The following LRBA variants were observed in gnomAD, a reference collection of about 807,000 sequenced individuals.
The protein encoded by LRBA is LPS responsive beige-like anchor protein.
LRBA carries 176 observed loss-of-function variants against 330.0 expected under a neutral mutation model. That is an observed-to-expected ratio of 0.53 (90% CI 0.47 to 0.60). The LOEUF (loss-of-function observed/expected upper bound fraction) is 0.60. Ranked by LOEUF, LRBA falls within the 20% of genes least tolerant of loss-of-function variation. LRBA has a pLI of 0.00. For missense variants in LRBA, 3,259 were observed against 3,444.8 expected, an observed-to-expected ratio of 0.95 and a Z score of 1.35; for synonymous variants, 1,230 against 1,193.0, an observed-to-expected ratio of 1.03 and a Z score of -0.64.
chr4:150,550,501 C>T (rs186133012), intron 40 of LRBA, among the ~76,000 whole-genome samples: 52 of 152,040 alleles, frequency 3.4e-4, no homozygotes, highest in African/African-American at 1.2e-3. Context: ...ATTAAGATAC[C>T]CAACTATTCT....
chr4:150,383,199 C>A (rs114652490), intron 47 of LRBA, among the ~76,000 whole-genome samples: 2 of 152,226 alleles, frequency 1.3e-5, no homozygotes, highest in Admixed American at 6.5e-5. Flanking sequence ...TGCTTATTAA[C>A]GTCACCAAAG....
intron 51 of LRBA, chr4:150,310,666 G>A: frequency 3.7e-6 from 1 of 270,732 alleles, no homozygotes; most frequent in Non-Finnish European, 7.0e-6. Flanking sequence ...TAGCTCTTGG[G>A]CAGAACCAAA....
At chr4:150,941,280 G>A (rs2149527129) in intron 2 of LRBA, among the ~76,000 whole-genome samples, 1 of 152,162 alleles carries the variant, frequency 6.6e-6, no homozygotes, top group Admixed American at 6.5e-5. Flanking sequence ...AGCCTCCCGA[G>A]TAGCTGGGAT....
intron 2 of LRBA, among the ~76,000 whole-genome samples, chr4:150,939,659 G>A (rs1264654313): frequency 6.6e-6 from 1 of 152,124 alleles, no homozygotes; most frequent in Admixed American, 6.5e-5. Context: ...AAATTCCCCA[G>A]TAAGCATTGT....
chr4:150,400,954 A>T (rs184203920), intron 47 of LRBA, among the ~76,000 whole-genome samples: 5 of 152,242 alleles, frequency 3.3e-5, no homozygotes, highest in Admixed American at 2.6e-4. Context: ...TTGGAGTCTT[A>T]AACTCCAGTA....
chr4:150,849,027 T>A (rs60675263), intron 25 of LRBA, 29 bp from the exon 26 acceptor site: 3 of 1,481,480 alleles, frequency 2.0e-6, no homozygotes, highest in South Asian at 1.3e-5. Context: ...GACATTTATA[T>A]ATATATATTC....
chr4:150,475,907 C>CAA (rs1052396952), intron 42 of LRBA, among the ~76,000 whole-genome samples: 1 of 123,302 alleles, frequency 8.1e-6, no homozygotes. Flanking sequence ...CGTGTCTCTA[C>CAA]AAAAAAAAAA....
intron 28 of LRBA, 42 bp downstream of exon 28, chr4:150,844,058 G>A: frequency 1.7e-6 from 2 of 1,173,386 alleles, no homozygotes; most frequent in Non-Finnish European, 2.5e-6. Context: ...GAGGAAATAT[G>A]CATCAGTTAA....
chr4:150,543,622 T>G (rs1336088079), intron 40 of LRBA, among the ~76,000 whole-genome samples: 1 of 152,172 alleles, frequency 6.6e-6, no homozygotes, highest in East Asian at 1.9e-4. Flanking sequence ...GAAAAAATAT[T>G]TGCAATTGGA....
At position 150,819,379 on chromosome 4, in the gene LRBA, C is replaced by T. The variant is rs183856523; in HGVS notation, c.5172-2122G>A. Among the ~76,000 whole-genome samples the T allele has an allele frequency of 1.3e-4, 20 of 151,236 alleles. 1 individual carries two copies. In the East Asian group the frequency reaches 3.7e-3, roughly 28 times the overall value. On this transcript the variant is annotated intron_variant, in intron 30 of 56. Coordinates refer to ENST00000651943, the MANE Select transcript of LRBA (RefSeq NM_001364905.1). Reference sequence around the variant, plus strand: ...ATTTGTCAAAACTCATCAAATGGTACACTTAAGACCTGTGTCTTTCATTGT... The same window carrying T: ...ATTTGTCAAAACTCATCAAATGGTATACTTAAGACCTGTGTCTTTCATTGT...
intron 40 of LRBA, among the ~76,000 whole-genome samples, chr4:150,502,831 G>A (rs530655123): frequency 4.6e-5 from 7 of 152,306 alleles, no homozygotes; most frequent in South Asian, 4.1e-4. Flanking sequence ...GACGGCACCT[G>A]GAAAATTGGG....
intron 2 of LRBA, among the ~76,000 whole-genome samples, chr4:150,936,744 T>C (rs1186243140): frequency 1.3e-5 from 2 of 152,064 alleles, no homozygotes; most frequent in South Asian, 2.1e-4. Context: ...GTCCACTGAA[T>C]ACAATAAAGT....
intron 37 of LRBA, among the ~76,000 whole-genome samples, chr4:150,599,484 C>T (rs1038250387): frequency 6.6e-6 from 1 of 152,190 alleles, no homozygotes; most frequent in African/African-American, 2.4e-5. Context: ...GCACCTTTCT[C>T]TGTAGCTGCA....
intron 37 of LRBA, among the ~76,000 whole-genome samples, chr4:150,600,086 C>T (rs1258606223): frequency 6.6e-6 from 1 of 151,888 alleles, no homozygotes; most frequent in Non-Finnish European, 1.5e-5. Context: ...TAATCATGAT[C>T]TAGCATGCTG....
At chr4:150,836,588 T>C (rs1382885600) in intron 28 of LRBA, among the ~76,000 whole-genome samples, 1 of 152,164 alleles carries the variant, frequency 6.6e-6, no homozygotes, top group Non-Finnish European at 1.5e-5. Flanking sequence ...TGCATAGAGG[T>C]GTTTATAGTA....
intron 47 of LRBA, among the ~76,000 whole-genome samples, chr4:150,375,088 G>A (rs879837300): frequency 8.7e-4 from 133 of 152,254 alleles, no homozygotes; most frequent in Non-Finnish European, 1.7e-3. Flanking sequence ...GAGTAAGGGG[G>A]GGAATTAGTA....
chr4:150,885,180 C>G (rs1728811566), intron 17 of LRBA, among the ~76,000 whole-genome samples: 1 of 124,786 alleles, frequency 8.0e-6, no homozygotes, highest in Admixed American at 9.0e-5. Context: ...AGTGTTCCAA[C>G]ATAGATGTAA....
At chr4:150,383,645 C>G (rs1581167551) in intron 47 of LRBA, among the ~76,000 whole-genome samples, 1 of 152,136 alleles carries the variant, frequency 6.6e-6, no homozygotes, top group East Asian at 1.9e-4. Flanking sequence ...GGTATCATAT[C>G]GCTCTTGTGT....
intron 30 of LRBA, among the ~76,000 whole-genome samples, chr4:150,827,445 C>T (rs1746433429): frequency 6.6e-6 from 1 of 152,118 alleles, no homozygotes; most frequent in Non-Finnish European, 1.5e-5. Context: ...TCCAACTCTG[C>T]TACCTCAACT....
Sources: gnomAD v4.1 joint callset for allele counts (sites outside exome capture counted in the v4.1 genomes callset) on GRCh38, gnomAD v4.1.1 for gene constraint, MANE v1.5 for transcripts, NCBI Gene and HGNC (gene_info 2026-07-23, HGNC 2026-07-21) for gene names.